Variants in STAM2 observed in about 807,000 individuals in gnomAD.
STAM2 encodes the protein signal transducing adaptor molecule 2.
Under a neutral mutation model 65.6 loss-of-function variants are expected in STAM2, and 51 were observed. The ratio of observed to expected loss-of-function variants is 0.78; its 90% CI spans 0.62 to 0.98. The LOEUF is 0.98. Ranked by LOEUF, STAM2 falls within the 50% of genes least tolerant of loss-of-function variation. The probability of loss-of-function intolerance (pLI) is 0.00; values close to 1 mark genes in which losing one functional copy is unlikely to be tolerated. For synonymous variants in STAM2, 198 were observed against 208.4 expected (o/e 0.95, Z 0.43); for missense variants, 584 against 617.8 (o/e 0.95, Z 0.58).
At chr2:152,154,959 A>G (rs1203700915) in intron 1 of STAM2, among the ~76,000 whole-genome samples, 1 of 150,574 alleles carries the variant, frequency 6.6e-6, no homozygotes, top group Non-Finnish European at 1.5e-5. Flanking sequence ...TATCTTTCAT[A>G]TTGGTGACTC....
At chr2:152,128,921 G>T (rs1263391701) in intron 11 of STAM2, among the ~76,000 whole-genome samples, 1 of 152,124 alleles carries the variant, frequency 6.6e-6, no homozygotes, top group Non-Finnish European at 1.5e-5. Context: ...AGGGAAAAAA[G>T]GATATTTTAT....
chr2:152,171,828 A>G (rs1689903433), intron 1 of STAM2, among the ~76,000 whole-genome samples: 1 of 152,260 alleles, frequency 6.6e-6, no homozygotes, highest in Non-Finnish European at 1.5e-5. Flanking sequence ...ACATTTAGCA[A>G]TGAATGGTAA....
chr2:152,172,794 C>A lies in STAM2; in HGVS notation c.40+2809G>T, dbSNP rs1251648435. Among the ~76,000 whole-genome samples the A allele has an allele frequency of 1.3e-4, 19 of 151,222 alleles. 1 individual carries two copies. Among genetic ancestry groups the A allele is most frequent in the Admixed American group, 1.3e-3 (19 of 15,180 alleles). On this transcript the variant is annotated intron_variant, in intron 1 of 13. Transcript: ENST00000263904. The stretch of plus-strand genomic sequence containing the variant: ...GCTGAGGCAGGAAAATCACTTGAAC[C>A]CGGGAGGCGGGGTTGCAGTAAGCCA...
At chr2:152,133,873 T>C (rs758221675) in intron 8 of STAM2, among the ~76,000 whole-genome samples, 43 of 152,214 alleles carry the variant, frequency 2.8e-4, no homozygotes, top group Admixed American at 2.0e-4. Flanking sequence ...CAGCAGACTA[T>C]TATCTAGCAG....
rs201586468 is a variant in STAM2 at position 152,128,417 on chromosome 2, T to TA, written c.1026-2039dup. The stretch of plus-strand genomic sequence containing the variant: ...AACAGAGCGAGACTCTGTCTCAAAT[T>TA]AAAAAAAAAAAAAATCAGTTACAAG... On this transcript the variant is annotated intron_variant, in intron 11 of 13. Coordinates refer to ENST00000263904, the MANE Select transcript of STAM2 (RefSeq NM_005843.6). Among the ~76,000 whole-genome samples the TA allele has an allele frequency of 4.7e-3, 662 of 139,426 alleles. 8 individuals are homozygous for TA. The highest frequency in any genetic ancestry group is 0.032 in the East Asian group (154 of 4,850). The allele number at this position is 139,426 out of a possible 152,430, so 91.5% of individuals were successfully genotyped here.
intron 1 of STAM2, among the ~76,000 whole-genome samples, chr2:152,172,272 C>T (rs1248007928): frequency 6.6e-6 from 1 of 152,084 alleles, no homozygotes; most frequent in Non-Finnish European, 1.5e-5. Context: ...GGTTCTGATG[C>T]CAAGAAAAGA....
chr2:152,140,966 CT>C (rs1689235394), intron 7 of STAM2, among the ~76,000 whole-genome samples: 1 of 151,452 alleles, frequency 6.6e-6, no homozygotes, highest in Non-Finnish European at 1.5e-5. Flanking sequence ...TAAACCCTGT[CT>C]CTACCCCTAA....
At chr2:152,149,855 A>G (rs573404297) in intron 2 of STAM2, among the ~76,000 whole-genome samples, 21 of 152,322 alleles carry the variant, frequency 1.4e-4, no homozygotes, top group African/African-American at 4.8e-4. Context: ...GTAGATGGAC[A>G]TATATTTTGT....
intron 6 of STAM2, 75 bp downstream of exon 6, chr2:152,144,813 A>G: frequency 1.6e-6 from 2 of 1,261,272 alleles, no homozygotes; most frequent in Non-Finnish European, 2.3e-6. Flanking sequence ...CTGGGATTAC[A>G]GGCGTGAGCC....
chr2:152,141,453 G>A (rs1273684605), intron 7 of STAM2, among the ~76,000 whole-genome samples: 1 of 151,496 alleles, frequency 6.6e-6, no homozygotes, highest in East Asian at 2.0e-4. Context: ...AGAATCACTT[G>A]AACACAGGGG....
At chr2:152,154,076 A>AGATACAC (rs1689497524) in intron 1 of STAM2, among the ~76,000 whole-genome samples, 1 of 152,250 alleles carries the variant, frequency 6.6e-6, no homozygotes, top group African/African-American at 2.4e-5. Flanking sequence ...CAGAAGCTTT[A>AGATACAC]GATACACTAG....
rs1688971461 is a variant in STAM2 at position 152,126,814 on chromosome 2, C to G, written c.1026-435G>C. Among the ~76,000 whole-genome samples the G allele has an allele frequency of 2.0e-5, 3 of 152,332 alleles. No individual in the cohort carries two copies. The South Asian group carries it at 6.2e-4, about 32-fold the overall frequency. The stretch of plus-strand genomic sequence containing the variant: ...ATTTGCAACTTTGTAACTTCAGCCT[C>G]TGAATGGTTGCTGTCCACAACCAAT... On this transcript the variant is annotated intron_variant, in intron 11 of 13. Coordinates refer to ENST00000263904, the MANE Select transcript of STAM2 (RefSeq NM_005843.6).
At chr2:152,162,754 G>A (rs1034503516) in intron 1 of STAM2, among the ~76,000 whole-genome samples, 32 of 151,866 alleles carry the variant, frequency 2.1e-4, no homozygotes, top group African/African-American at 5.6e-4. Context: ...TGATTCTCCC[G>A]CCTCAGCATC....
intron 9 of STAM2, 31 bp from the exon 10 acceptor site, chr2:152,133,291 C>T (rs750834939): frequency 2.5e-6 from 4 of 1,575,990 alleles, no homozygotes; most frequent in Admixed American, 1.7e-5. Flanking sequence ...TTTTCAAAAA[C>T]TCAAGAGTTT....
At chr2:152,170,870 C>G (rs762199132) in intron 1 of STAM2, among the ~76,000 whole-genome samples, 2 of 151,698 alleles carry the variant, frequency 1.3e-5, no homozygotes, top group African/African-American at 4.8e-5. Context: ...GTGGTGCGCA[C>G]CTGTAACCCC....
At chr2:152,149,052 T>C (rs1429667274) in intron 2 of STAM2, among the ~76,000 whole-genome samples, 1 of 152,240 alleles carries the variant, frequency 6.6e-6, no homozygotes, top group East Asian at 1.9e-4. Flanking sequence ...TAACATATAG[T>C]TCAGCTAATT....
intron 1 of STAM2, among the ~76,000 whole-genome samples, chr2:152,173,363 C>CATATATATACATATATATAT: frequency 6.8e-6 from 1 of 146,310 alleles, no homozygotes; most frequent in Non-Finnish European, 1.5e-5. Flanking sequence ...TATATACACA[C>CATATATATACATATATATAT]ATATATATAC....
At chr2:152,133,554 G>T in intron 8 of STAM2, 70 bp from the exon 9 acceptor site, 1 of 1,186,870 alleles carries the variant, frequency 8.4e-7, no homozygotes, top group Non-Finnish European at 1.2e-6. Flanking sequence ...ATTTATAAGT[G>T]GCCTATGATT....
intron 6 of STAM2, 118 bp from the exon 7 acceptor site, chr2:152,144,131 C>A: frequency 1.1e-4 from 63 of 586,834 alleles, no homozygotes; most frequent in East Asian, 2.8e-4. Flanking sequence ...TAATTACATG[C>A]TACAGTTAAC....
Sources: allele counts gnomAD v4.1 joint callset (sites outside exome capture counted in the v4.1 genomes callset), GRCh38; gene constraint gnomAD v4.1.1; transcripts MANE v1.5; gene names NCBI Gene and HGNC (gene_info 2026-07-23, HGNC 2026-07-21).